ROBO2: variants seen among roughly 807,000 people sequenced by gnomAD.
The protein encoded by ROBO2 is roundabout guidance receptor 2.
In ROBO2, 53 loss-of-function variants were observed where a neutral mutation model predicts 160.8. The observed-to-expected ratio is 0.33, with a 90% CI of 0.26 to 0.41. The LOEUF (loss-of-function observed/expected upper bound fraction) is 0.41, where lower values mean the gene tolerates loss of function less well. ROBO2 is among the 10% of genes least tolerant of loss of function. The probability of loss-of-function intolerance (pLI) is 1.00; values close to 1 mark genes in which losing one functional copy is unlikely to be tolerated. For missense variants in ROBO2, 1,577 were observed against 1,722.4 expected, an observed-to-expected ratio of 0.92 and a Z score of 1.49; for synonymous variants, 664 against 611.7, an observed-to-expected ratio of 1.09 and a Z score of -1.26.
chr3:77,617,697 G>C (rs1396359477), exon 22 of ROBO2: 8 of 1,614,092 alleles, frequency 5.0e-6, no homozygotes, highest in Non-Finnish European at 6.8e-6. Flanking sequence ...CCCACGGGAA[G>C]AGATGCAACC....
At chr3:76,407,930 G>C (rs950773144) in intron 2 of ROBO2, among the ~76,000 whole-genome samples, 2 of 132,970 alleles carry the variant, frequency 1.5e-5, no homozygotes, top group South Asian at 4.9e-4. Flanking sequence ...AGATTCTTTT[G>C]TGATTTTTTT....
intron 2 of ROBO2, among the ~76,000 whole-genome samples, chr3:76,493,360 T>TATATATATATATA (rs1431991929): frequency 3.6e-5 from 5 of 138,936 alleles, no homozygotes; most frequent in African/African-American, 1.3e-4. Flanking sequence ...TATATATATA[T>TATATATATATATA]ATATAATTGT....
intron 13 of ROBO2, among the ~76,000 whole-genome samples, chr3:77,569,004 T>C (rs2093568156): frequency 6.6e-6 from 1 of 152,042 alleles, no homozygotes; most frequent in Non-Finnish European, 1.5e-5. Flanking sequence ...CTTGTTGTTA[T>C]CAAATAGTAT....
chr3:76,107,555 A>G (rs770907758), intron 2 of ROBO2, among the ~76,000 whole-genome samples: 7 of 152,042 alleles, frequency 4.6e-5, no homozygotes, highest in Non-Finnish European at 7.4e-5. Context: ...TTACATTTGC[A>G]TAGCATTTTT....
intron 2 of ROBO2, among the ~76,000 whole-genome samples, chr3:77,360,177 T>C (rs2069731110): frequency 6.6e-6 from 1 of 151,998 alleles, no homozygotes. Flanking sequence ...CAGGAAGCAG[T>C]GTCAGGGCCG....
At chr3:76,693,432 C>G (rs965732997) in intron 2 of ROBO2, among the ~76,000 whole-genome samples, 2 of 142,382 alleles carry the variant, frequency 1.4e-5, no homozygotes, top group South Asian at 2.2e-4. Context: ...CATATAGATA[C>G]ACACTCTATA....
chr3:77,447,766 A>G (rs71322800), intron 2 of ROBO2, among the ~76,000 whole-genome samples: 17,984 of 152,136 alleles, frequency 0.12, 1,351 homozygotes, highest in East Asian at 0.32. Flanking sequence ...CTAGTGCACA[A>G]CACAATCAAG....
At chr3:77,621,281 T>C (rs535532396) in intron 22 of ROBO2, among the ~76,000 whole-genome samples, 5 of 151,998 alleles carry the variant, frequency 3.3e-5, no homozygotes, top group African/African-American at 4.8e-5. Context: ...TAAAAACTAA[T>C]TGGGCATGGT....
chr3:76,968,322 C>G (rs1322433781), intron 2 of ROBO2, among the ~76,000 whole-genome samples: 1 of 152,062 alleles, frequency 6.6e-6, no homozygotes, highest in Admixed American at 6.6e-5. Flanking sequence ...TCCCAGAAAC[C>G]ATCTACAACT....
chr3:75,908,582 C>T (rs1946444285), intron 1 of ROBO2, among the ~76,000 whole-genome samples: 2 of 151,920 alleles, frequency 1.3e-5, no homozygotes, highest in Non-Finnish European at 2.9e-5. Context: ...GAATTCAGAC[C>T]TATGCTATTT....
chr3:76,550,339 A>G (rs1368230107), intron 2 of ROBO2, among the ~76,000 whole-genome samples: 1 of 111,370 alleles, frequency 9.0e-6, no homozygotes, highest in East Asian at 2.6e-4. Context: ...GCATGTAGCC[A>G]ATAAAAGTAG....
chr3:77,596,817 T>C, intron 19 of ROBO2, 67 bp downstream of exon 20: 2 of 1,581,170 alleles, frequency 1.3e-6, no homozygotes, highest in Non-Finnish European at 1.7e-6. Context: ...TTGACCTTCC[T>C]GGATTTTTTT....
chr3:76,690,721 C>A (rs1047866733), intron 2 of ROBO2, among the ~76,000 whole-genome samples: 8 of 152,062 alleles, frequency 5.3e-5, no homozygotes, highest in African/African-American at 1.9e-4. Context: ...TGGCTTCTCG[C>A]TATTGTATCC....
chr3:77,470,895 C>A (rs1290806013), intron 2 of ROBO2, among the ~76,000 whole-genome samples: 2 of 152,160 alleles, frequency 1.3e-5, no homozygotes, highest in Non-Finnish European at 2.9e-5. Context: ...AGAGAGAAAA[C>A]CTGCCGGCAG....
intron 2 of ROBO2, among the ~76,000 whole-genome samples, chr3:76,191,675 T>G (rs907771099): frequency 6.6e-6 from 1 of 152,112 alleles, no homozygotes; most frequent in African/African-American, 2.4e-5. Flanking sequence ...CTACAAGCGG[T>G]TTTTCTTTAC....
chr3:76,946,588 C>G (rs375960344), intron 2 of ROBO2, among the ~76,000 whole-genome samples: 4 of 152,094 alleles, frequency 2.6e-5, no homozygotes, highest in African/African-American at 9.7e-5. Flanking sequence ...CAGGCGCCCA[C>G]CACGGCATCC....
chr3:76,364,234 A>G (rs2075683470), intron 2 of ROBO2, among the ~76,000 whole-genome samples: 1 of 152,076 alleles, frequency 6.6e-6, no homozygotes. Context: ...CTGACACTCC[A>G]GGAATACCTT....
intron 2 of ROBO2, among the ~76,000 whole-genome samples, chr3:77,425,788 C>T (rs548829342): frequency 6.6e-6 from 1 of 151,548 alleles, no homozygotes; most frequent in East Asian, 1.9e-4. Flanking sequence ...CTCAGCTTCT[C>T]GAGTAGCTGG....
chr3:76,165,866 A>G (rs1448188601), intron 2 of ROBO2, among the ~76,000 whole-genome samples: 2 of 152,182 alleles, frequency 1.3e-5, no homozygotes, highest in Non-Finnish European at 2.9e-5. Context: ...AGCCATCTCC[A>G]TAATATAAAA....
Sources: gnomAD v4.1 joint callset for allele counts (sites outside exome capture counted in the v4.1 genomes callset) on GRCh38, gnomAD v4.1.1 for gene constraint, MANE v1.5 for transcripts, NCBI Gene and HGNC (gene_info 2026-07-23, HGNC 2026-07-21) for gene names.